ADGRA3: variants seen among roughly 807,000 people sequenced by gnomAD.
The protein encoded by ADGRA3 is G-protein coupled receptor 125.
Under a neutral mutation model 119.8 loss-of-function variants are expected in ADGRA3, and 56 were observed. The ratio of observed to expected loss-of-function variants is 0.47; its 90% CI spans 0.38 to 0.58. The LOEUF (loss-of-function observed/expected upper bound fraction) is 0.58. ADGRA3 is among the 20% of genes least tolerant of loss of function. The pLI, the probability that ADGRA3 is intolerant of heterozygous loss-of-function variation, is 0.00. For synonymous variants in ADGRA3, 607 were observed against 623.8 expected (o/e 0.97, Z 0.40); for missense variants, 1,516 against 1,649.0 (o/e 0.92, Z 1.40).
At chr4:22,391,608 T>C (rs184046493) in intron 17 of ADGRA3, among the ~76,000 whole-genome samples, 3 of 151,166 alleles carry the variant, frequency 2.0e-5, no homozygotes, top group Non-Finnish European at 4.4e-5. Flanking sequence ...TTATACTCCA[T>C]ACTAGAGCCA....
At chr4:22,508,708 G>A (rs550306718) in intron 1 of ADGRA3, among the ~76,000 whole-genome samples, 1 of 152,246 alleles carries the variant, frequency 6.6e-6, no homozygotes, top group South Asian at 2.1e-4. Flanking sequence ...CACACCCAAG[G>A]AGTCCCATCA....
chr4:22,468,968 G>A (rs1489908169), intron 2 of ADGRA3, among the ~76,000 whole-genome samples: 1 of 151,410 alleles, frequency 6.6e-6, no homozygotes, highest in East Asian at 1.9e-4. Context: ...TTAGCAAGTA[G>A]GCCAACAGGG....
At chr4:22,463,471 A>G (rs1355928491) in intron 2 of ADGRA3, among the ~76,000 whole-genome samples, 1 of 152,156 alleles carries the variant, frequency 6.6e-6, no homozygotes, top group Admixed American at 6.5e-5. Flanking sequence ...AATTATTTAG[A>G]GGAAAATCCT....
chr4:22,446,882 C>T (rs1716850788), intron 5 of ADGRA3, among the ~76,000 whole-genome samples: 1 of 151,794 alleles, frequency 6.6e-6, no homozygotes, highest in Non-Finnish European at 1.5e-5. Context: ...AACTTCTATG[C>T]AATCTCTCAG....
At chr4:22,424,524 A>C (rs2126632) in intron 10 of ADGRA3, among the ~76,000 whole-genome samples, 172 bp from the exon 11 acceptor site, 102,614 of 152,112 alleles carry the variant, frequency 0.67, 35,620 homozygotes, top group Non-Finnish European at 0.77. Context: ...ATGAACAGTT[A>C]TTTCAAGTAT....
chr4:22,492,234 C>T (rs1285617752), intron 1 of ADGRA3, among the ~76,000 whole-genome samples: 1 of 152,014 alleles, frequency 6.6e-6, no homozygotes, highest in Non-Finnish European at 1.5e-5. Flanking sequence ...CCTCCTATTT[C>T]CTTAGGACTA....
At chr4:22,506,622 TA>T (rs1434297557) in intron 1 of ADGRA3, among the ~76,000 whole-genome samples, 1 of 152,120 alleles carries the variant, frequency 6.6e-6, no homozygotes, top group Non-Finnish European at 1.5e-5. Flanking sequence ...AGTGTGGTAC[TA>T]AAAGTGGCCA....
intron 10 of ADGRA3, among the ~76,000 whole-genome samples, chr4:22,430,306 T>C (rs930398758): frequency 1.3e-5 from 2 of 152,026 alleles, no homozygotes; most frequent in Non-Finnish European, 1.5e-5. Context: ...CAAATAGGCG[T>C]TGGAACAGTC....
At chr4:22,443,145 G>C (rs1176883707) in intron 6 of ADGRA3, 1 of 659,344 alleles carries the variant, frequency 1.5e-6, no homozygotes. Flanking sequence ...TGAACTAAAA[G>C]AACAAGCTGT....
intron 4 of ADGRA3, among the ~76,000 whole-genome samples, chr4:22,449,412 T>A (rs948808924): frequency 1.2e-4 from 18 of 152,096 alleles, no homozygotes; most frequent in African/African-American, 4.3e-4. Context: ...CAAGACATGG[T>A]AGGTAAAACT....
At chr4:22,400,975 G>A (rs1395052821) in intron 16 of ADGRA3, among the ~76,000 whole-genome samples, 2 of 152,168 alleles carry the variant, frequency 1.3e-5, no homozygotes, top group Non-Finnish European at 2.9e-5. Context: ...TAATTTATTG[G>A]AAACAAAGAG....
At chr4:22,446,547 GA>G (rs1716836400) in intron 5 of ADGRA3, among the ~76,000 whole-genome samples, 1 of 152,108 alleles carries the variant, frequency 6.6e-6, no homozygotes, top group Non-Finnish European at 1.5e-5. Context: ...AGTGACTCCA[GA>G]AGTACACACA....
intron 1 of ADGRA3, among the ~76,000 whole-genome samples, chr4:22,498,924 A>AC (rs1718950957): frequency 5.4e-4 from 1 of 1,838 alleles, no homozygotes; most frequent in East Asian, 0.015. Flanking sequence ...AAAAAAAAAC[A>AC]AAAAAAACAA....
In ADGRA3 at chr4:22,482,288, A is replaced by G. The variant is rs577810450; in HGVS notation, c.258-8445T>C. Among the ~76,000 whole-genome samples, 4 of 152,256 alleles carry G rather than the reference A, an allele frequency of 2.6e-5. 1 individual carries two copies. In the South Asian group the frequency reaches 8.3e-4, roughly 32 times the overall value. The stretch of plus-strand genomic sequence containing the variant: ...AATTTGACCATAATTGCATCCTCAC[A>G]AAAAAAGAACATAATGGTGAATATC... On this transcript the variant is annotated intron_variant, in intron 1 of 18. Transcript: ENST00000334304.
chr4:22,397,189 T>C (rs1010067425), intron 16 of ADGRA3, among the ~76,000 whole-genome samples: 1 of 147,216 alleles, frequency 6.8e-6, no homozygotes, highest in Non-Finnish European at 1.5e-5. Flanking sequence ...TTTTTTTTTT[T>C]TTTTTTTTTT....
intron 9 of ADGRA3, among the ~76,000 whole-genome samples, chr4:22,436,037 T>G (rs1394175774): frequency 6.6e-6 from 1 of 152,034 alleles, no homozygotes; most frequent in Non-Finnish European, 1.5e-5. Context: ...GTCTGGTAAG[T>G]TTTAAAAAGA....
intron 4 of ADGRA3, among the ~76,000 whole-genome samples, chr4:22,447,799 G>A (rs1716884774): frequency 6.6e-6 from 1 of 152,038 alleles, no homozygotes; most frequent in Non-Finnish European, 1.5e-5. Context: ...TACCCTAACT[G>A]AATTCCCACT....
intron 8 of ADGRA3, among the ~76,000 whole-genome samples, chr4:22,438,021 T>G (rs750228984): frequency 9.9e-5 from 15 of 152,206 alleles, no homozygotes; most frequent in Non-Finnish European, 1.9e-4. Context: ...AAACCATTTG[T>G]TAAAAATGAC....
At chr4:22,451,928 A>G (rs1468892996) in intron 4 of ADGRA3, among the ~76,000 whole-genome samples, 2 of 152,202 alleles carry the variant, frequency 1.3e-5, no homozygotes, top group Non-Finnish European at 2.9e-5. Context: ...AGAAAATGCT[A>G]TTCTCCATAT....
Sources: allele counts gnomAD v4.1 joint callset (sites outside exome capture counted in the v4.1 genomes callset), GRCh38; gene constraint gnomAD v4.1.1; transcripts MANE v1.5; gene names NCBI Gene and HGNC (gene_info 2026-07-23, HGNC 2026-07-21).